The following MALRD1 variants were observed in gnomAD, a reference collection of about 807,000 sequenced individuals.
MALRD1 encodes MAM and LDL receptor class A domain containing 1.
A neutral mutation model predicts 242.1 loss-of-function variants in MALRD1; 247 were observed. That is an observed-to-expected ratio of 1.02 (90% CI 0.92 to 1.13). MALRD1 has a LOEUF of 1.13. MALRD1 is among the 50% of genes most tolerant of loss of function. The pLI is 0.00. For missense variants in MALRD1, 2,989 were observed against 2,533.1 expected (o/e 1.18, Z -3.86); for synonymous variants, 995 against 866.6 (o/e 1.15, Z -2.60).
At chr10:19,361,838 C>A (rs1844909561) in intron 26 of MALRD1, among the ~76,000 whole-genome samples, 2 of 151,996 alleles carry the variant, frequency 1.3e-5, no homozygotes, top group Non-Finnish European at 2.9e-5. Context: ...GCATTTAAAC[C>A]CTGACTAACC....
chr10:19,408,850 A>G (rs753546504), intron 28 of MALRD1, among the ~76,000 whole-genome samples: 2 of 152,224 alleles, frequency 1.3e-5, no homozygotes, highest in African/African-American at 4.8e-5. Flanking sequence ...ATGGTATAGA[A>G]ACTCTGTAAC....
chr10:19,340,166 T>G (rs1447610593), intron 24 of MALRD1, among the ~76,000 whole-genome samples: 1 of 152,106 alleles, frequency 6.6e-6, no homozygotes, highest in Non-Finnish European at 1.5e-5. Context: ...ATGTCTATGT[T>G]TACGGGTTAC....
At chr10:19,102,087 CAT>C (rs1170448864) in intron 4 of MALRD1, among the ~76,000 whole-genome samples, 10 of 140,162 alleles carry the variant, frequency 7.1e-5, no homozygotes, top group African/African-American at 2.1e-4. Context: ...TATGGTATAA[CAT>C]ATTATTATAT....
Position 19,531,348 on chromosome 10 carries a change from A to G in MALRD1, c.5475A>G (p.Leu1825=), listed in dbSNP as rs1834408362. The change falls in exon 32 of 40, where the codon TTA becomes TTG. Residue 1825 remains leucine (L), a synonymous_variant. Coordinates refer to ENST00000454679, the MANE Select transcript of MALRD1 (RefSeq NM_001142308.3). Reference sequence around the variant, plus strand: ...TTGATCCCAGGAGTATGGGAATATTAAAGGTACAAAAGGAAGCCAGAGATT... The same window carrying G: ...TTGATCCCAGGAGTATGGGAATATTGAAGGTACAAAAGGAAGCCAGAGATT... ...YMIDPRSMGI[L]KVYTIEESGL... is the part of the protein sequence containing the mutation. 2 of 1,526,858 alleles carry G rather than the reference A, an allele frequency of 1.3e-6. No individual in the cohort carries two copies. The highest frequency in any genetic ancestry group is 2.0e-5 in the Admixed American group (1 of 49,456). The allele number at this position is 1,526,858 out of a possible 1,614,324, so 94.6% of individuals were successfully genotyped here.
At chr10:19,055,873 C>G (rs527294946) in intron 1 of MALRD1, among the ~76,000 whole-genome samples, 4 of 152,064 alleles carry the variant, frequency 2.6e-5, no homozygotes, top group Admixed American at 1.3e-4. Context: ...GGGTGAGGAT[C>G]GAAAAACCAC....
chr10:19,332,200 C>T (rs1474738194), intron 24 of MALRD1, among the ~76,000 whole-genome samples: 1 of 138,634 alleles, frequency 7.2e-6, no homozygotes, highest in Non-Finnish European at 1.6e-5. Context: ...TGAAAAATGA[C>T]AGGCAAAATT....
chr10:19,695,802 G>A (rs570340776), intron 38 of MALRD1, among the ~76,000 whole-genome samples: 2 of 152,206 alleles, frequency 1.3e-5, no homozygotes, highest in Admixed American at 1.3e-4. Flanking sequence ...GGGATTACAG[G>A]CATGAGTCAC....
At position 19,134,037 on chromosome 10, in the gene MALRD1, A is replaced by C. The variant is rs940382913; in HGVS notation, c.1203+89A>C. On this transcript the variant is annotated intron_variant, in intron 9 of 39. Coordinates refer to ENST00000454679, the MANE Select transcript of MALRD1 (RefSeq NM_001142308.3). ...ATTGACCATGCACTGCTAAAGTTAA[A>C]TTAGCAGTTAAGTTAGGGATGCGTG... The C allele has an allele frequency of 3.6e-5, 19 of 527,876 alleles. No individual in the cohort carries two copies. The Admixed American group carries it at 8.4e-4, about 23-fold the overall frequency. 32.7% of individuals were successfully genotyped at this position (527,876 alleles called of 1,614,324 possible).
At chr10:19,265,671 C>T (rs1839943724) in intron 19 of MALRD1, among the ~76,000 whole-genome samples, 1 of 152,032 alleles carries the variant, frequency 6.6e-6, no homozygotes, top group African/African-American at 2.4e-5. Flanking sequence ...GTTCTGTGTG[C>T]TCTTGAGAAG....
intron 4 of MALRD1, among the ~76,000 whole-genome samples, chr10:19,097,988 A>G (rs1252108878): frequency 1.3e-5 from 2 of 152,060 alleles, no homozygotes; most frequent in African/African-American, 4.8e-5. Flanking sequence ...TGCTCTGTCT[A>G]TTGAGTGGCC....
At chr10:19,685,488 A>ATG (rs960954355) in intron 36 of MALRD1, among the ~76,000 whole-genome samples, 137 of 152,148 alleles carry the variant, frequency 9.0e-4, no homozygotes, top group African/African-American at 3.3e-3. Flanking sequence ...TTGTGTGTAG[A>ATG]TGTGTGTGTG....
chr10:19,357,887 G>A (rs1844705032), intron 26 of MALRD1, among the ~76,000 whole-genome samples: 2 of 152,010 alleles, frequency 1.3e-5, no homozygotes, highest in African/African-American at 4.8e-5. Flanking sequence ...TTAGGAAGAT[G>A]CAATTGAGCA....
At chr10:19,237,602 AT>A (rs1401996599) in intron 18 of MALRD1, among the ~76,000 whole-genome samples, 2 of 56,342 alleles carry the variant, frequency 3.5e-5, no homozygotes, top group African/African-American at 1.4e-4. Context: ...TTATATAATT[AT>A]AATTATAATT....
At position 19,347,788 on chromosome 10, in the gene MALRD1, T is replaced by C. The variant is rs1271236790; in HGVS notation, c.3919T>C (p.Cys1307Arg). 1 of 1,550,522 alleles carries C rather than the reference T, an allele frequency of 6.4e-7. No individual in the cohort carries two copies. Among genetic ancestry groups the C allele is most frequent in the Non-Finnish European group, 8.7e-7 (1 of 1,146,854 alleles). The stretch of plus-strand genomic sequence containing the variant: ...TTTTCCAGGTACCTCCAGTGGGCGC[T>C]GTGATTTCGAATTTGATCTTTGTTC... ...TFICRTSSGR[C>R]DFEFDLCSWK... Residue 1307 changes from cysteine (C) to arginine (R), a missense_variant, in exon 25 of 40, where the codon TGT becomes CGT. Coordinates refer to ENST00000454679, the MANE Select transcript of MALRD1 (RefSeq NM_001142308.3).
chr10:19,218,059 A>C (rs1410966405), intron 18 of MALRD1, among the ~76,000 whole-genome samples: 1 of 152,118 alleles, frequency 6.6e-6, no homozygotes, highest in Non-Finnish European at 1.5e-5. Flanking sequence ...TATTGTGTTC[A>C]AAAGAGTTCC....
chr10:19,411,320 TAGCAGC>T (rs958844817), intron 28 of MALRD1, among the ~76,000 whole-genome samples: 5 of 152,090 alleles, frequency 3.3e-5, no homozygotes, highest in Non-Finnish European at 5.9e-5. Context: ...AAACTACCAC[TAGCAGC>T]AGCAGCAGCA....
chr10:19,171,107 C>G (rs1014598977), intron 13 of MALRD1, among the ~76,000 whole-genome samples: 1 of 151,790 alleles, frequency 6.6e-6, no homozygotes, highest in Non-Finnish European at 1.5e-5. Context: ...AAAAAGTAAT[C>G]ACTTGATTAT....
intron 38 of MALRD1, among the ~76,000 whole-genome samples, chr10:19,699,092 G>A (rs1833502432): frequency 6.6e-6 from 1 of 152,046 alleles, no homozygotes; most frequent in Non-Finnish European, 1.5e-5. Context: ...CCTAATGCCT[G>A]CAAGGCTTAA....
At chr10:19,280,973 G>T (rs1588842613) in intron 20 of MALRD1, among the ~76,000 whole-genome samples, 1 of 152,132 alleles carries the variant, frequency 6.6e-6, no homozygotes, top group Non-Finnish European at 1.5e-5. Flanking sequence ...AATATTAAGG[G>T]CTTAGAACAG....
Sources: gnomAD v4.1 joint callset for allele counts (sites outside exome capture counted in the v4.1 genomes callset) on GRCh38, gnomAD v4.1.1 for gene constraint, MANE v1.5 for transcripts, NCBI Gene and HGNC (gene_info 2026-07-23, HGNC 2026-07-21) for gene names.